The following ADAM28 variants were observed in gnomAD, a reference collection of about 807,000 sequenced individuals.
ADAM28 encodes ADAM metallopeptidase domain 28, also known as disintegrin and metalloproteinase domain-containing protein 28.
A neutral mutation model predicts 101.2 loss-of-function variants in ADAM28; 105 were observed. That is an observed-to-expected ratio of 1.04 (90% CI 0.89 to 1.22). ADAM28 has a LOEUF of 1.22. Among genes scored for constraint, ADAM28 ranks in the 50% most tolerant of loss-of-function variants. The pLI, the probability that ADAM28 is intolerant of heterozygous loss-of-function variation, is 0.00. For missense variants in ADAM28, 1,028 were observed against 945.4 expected, an observed-to-expected ratio of 1.09 and a Z score of -1.15; for synonymous variants, 322 against 310.6, an observed-to-expected ratio of 1.04 and a Z score of -0.39.
At chr8:24,297,473 A>G (rs1020408259) in intron 1 of ADAM28, among the ~76,000 whole-genome samples, 1 of 152,176 alleles carries the variant, frequency 6.6e-6, no homozygotes, top group African/African-American at 2.4e-5. Context: ...AAAATCGGGA[A>G]CGTAGCTATT....
At chr8:24,339,816 CATT>C (rs1430060161) in intron 15 of ADAM28, among the ~76,000 whole-genome samples, 1 of 152,100 alleles carries the variant, frequency 6.6e-6, no homozygotes, top group Non-Finnish European at 1.5e-5. Context: ...AAAGCACAGT[CATT>C]GTTGGGTAGA....
At chr8:24,301,490 TAAG>T (rs1356176284) in intron 2 of ADAM28, among the ~76,000 whole-genome samples, 1 of 151,944 alleles carries the variant, frequency 6.6e-6, no homozygotes, top group Non-Finnish European at 1.5e-5. Context: ...GAAAAAAAAA[TAAG>T]GATTTTTAAT....
chr8:24,297,412 T>G (rs1006628348), intron 1 of ADAM28, among the ~76,000 whole-genome samples: 2 of 152,204 alleles, frequency 1.3e-5, no homozygotes, highest in African/African-American at 2.4e-5. Flanking sequence ...TTCTTACCAT[T>G]TCTGAATGGT....
At chr8:24,322,002 A>G (rs1178406755) in intron 8 of ADAM28, among the ~76,000 whole-genome samples, 1 of 152,024 alleles carries the variant, frequency 6.6e-6, no homozygotes, top group East Asian at 1.9e-4. Context: ...TATCCTATAA[A>G]TGCTCTAAAG....
intron 1 of ADAM28, among the ~76,000 whole-genome samples, chr8:24,297,159 G>GTTTTTT (rs201347512): frequency 1.4e-5 from 2 of 144,548 alleles, no homozygotes; most frequent in African/African-American, 2.7e-5. Context: ...AATGTTGTGG[G>GTTTTTT]TTTTTTTTTG....
intron 9 of ADAM28, 116 bp downstream of exon 9, chr8:24,324,119 G>T: frequency 2.4e-6 from 2 of 839,488 alleles, no homozygotes; most frequent in Non-Finnish European, 1.7e-6. Flanking sequence ...GCACTTACTT[G>T]GATTATATGT....
Position 24,353,748 on chromosome 8 carries a change from A to G in ADAM28, c.2245-22A>G, listed in dbSNP as rs1263842694. On this transcript the variant is annotated intron_variant, in intron 21 of 22. Transcript: ENST00000265769. ...AGCATAGCATTTCTAATGCCATACC[A>G]TTGTTTTTATAATTAACGTAGCATA... 2.9e-6 allele frequency: 4 copies of G among 1,395,446 alleles called. No individual in the cohort carries two copies. In the Admixed American group the frequency reaches 6.8e-5, roughly 24 times the overall value. The allele number at this position is 1,395,446 out of a possible 1,614,324, so 86.4% of individuals were successfully genotyped here.
chr8:24,352,656 T>C (rs2129343905), intron 21 of ADAM28, among the ~76,000 whole-genome samples: 1 of 152,298 alleles, frequency 6.6e-6, no homozygotes, highest in South Asian at 2.1e-4. Context: ...ATAGCAATCA[T>C]CTTTATCAGA....
intron 11 of ADAM28, among the ~76,000 whole-genome samples, chr8:24,330,871 T>C (rs1287589627): frequency 6.6e-6 from 1 of 152,182 alleles, no homozygotes; most frequent in Non-Finnish European, 1.5e-5. Context: ...GGTCTTTACA[T>C]CTCCCAGATG....
intron 19 of ADAM28, 54 bp downstream of exon 19, chr8:24,350,026 AC>A: frequency 6.6e-7 from 1 of 1,506,262 alleles, no homozygotes; most frequent in African/African-American, 1.4e-5. Flanking sequence ...ATTTTACTTT[AC>A]TTTAAATTCA....
chr8:24,310,958 C>T (rs1810378098), intron 4 of ADAM28, among the ~76,000 whole-genome samples: 1 of 152,138 alleles, frequency 6.6e-6, no homozygotes, highest in Non-Finnish European at 1.5e-5. Flanking sequence ...AACAAAAACC[C>T]AATCTAAATA....
chr8:24,307,785 C>G (rs779090802), intron 2 of ADAM28, among the ~76,000 whole-genome samples: 59 of 152,220 alleles, frequency 3.9e-4, no homozygotes, highest in Middle Eastern at 3.4e-3. Flanking sequence ...AGGCCCAAAC[C>G]ATCTTGGTAT....
At position 24,349,885 on chromosome 8, in the gene ADAM28, T is replaced by C. The variant is rs779509006; in HGVS notation, c.2012T>C (p.Val671Ala). Reference sequence around the variant, plus strand: ...GCAGACTTCTCCATTGTGGTTGGGGTGCTGTTCCCAATGGCGGTCATTTTT... The same window carrying C: ...GCAGACTTCTCCATTGTGGTTGGGGCGCTGTTCCCAATGGCGGTCATTTTT... The part of the protein sequence containing the change: ...VVFHFSIVVG[V>A]LFPMAVIFVV... The change falls in exon 19 of 23, where the codon GTG becomes GCG. Residue 671 changes from valine (V) to alanine (A), a missense_variant. Transcript: ENST00000265769. 119 of 1,613,534 alleles carry C rather than the reference T, an allele frequency of 7.4e-5. No individual in the cohort carries two copies. The highest frequency in any genetic ancestry group is 1.6e-4 in the Middle Eastern group (1 of 6,074).
chr8:24,351,208 A>G (rs1490289013), intron 19 of ADAM28, 24 bp from the exon 20 acceptor site: 14 of 1,520,614 alleles, frequency 9.2e-6, no homozygotes, highest in Admixed American at 8.5e-5. Context: ...AAGTCAATTG[A>G]TATCATGTGT....
chr8:24,295,508 A>G (rs1807842374), intron 1 of ADAM28, among the ~76,000 whole-genome samples: 1 of 152,132 alleles, frequency 6.6e-6, no homozygotes, highest in Admixed American at 6.5e-5. Context: ...TATCACCAAG[A>G]GCTTTTCCAG....
At chr8:24,310,425 AT>A in intron 4 of ADAM28, 184 bp downstream of exon 4, 1 of 545,674 alleles carries the variant, frequency 1.8e-6, no homozygotes, top group Non-Finnish European at 3.1e-6. Context: ...GAACAAAACA[AT>A]TTCTTGGCAA....
At chr8:24,296,161 C>G (rs901659901) in intron 1 of ADAM28, 1 of 152,180 alleles carries the variant, frequency 6.6e-6, no homozygotes, top group Admixed American at 6.5e-5. Context: ...TACCTTATTA[C>G]AGCAGAATAC....
intron 8 of ADAM28, 55 bp from the exon 9 acceptor site, chr8:24,323,759 CAAAATATATTGAAAATGTTT>C (rs1812183852): frequency 7.1e-7 from 1 of 1,409,522 alleles, no homozygotes; most frequent in Admixed American, 2.3e-5. Flanking sequence ...TTTAAAAATA[CAAAATATATTGAAAATGTTT>C]AAAATGATAT....
intron 2 of ADAM28, among the ~76,000 whole-genome samples, chr8:24,302,673 G>A (rs975828031): frequency 5.3e-5 from 8 of 152,080 alleles, no homozygotes; most frequent in Admixed American, 5.2e-4. Flanking sequence ...GTTTTGATTT[G>A]CATTTCTCTA....
Sources: gnomAD v4.1 joint callset for allele counts (sites outside exome capture counted in the v4.1 genomes callset) on GRCh38, gnomAD v4.1.1 for gene constraint, MANE v1.5 for transcripts, NCBI Gene and HGNC (gene_info 2026-07-23, HGNC 2026-07-21) for gene names.